ABLIM2: variants seen among roughly 807,000 people sequenced by gnomAD.
ABLIM2 encodes the protein actin binding LIM protein family member 2, also known as actin-binding LIM protein 2.
Under a neutral mutation model 97.7 loss-of-function variants are expected in ABLIM2, and 53 were observed. That is an observed-to-expected ratio of 0.54 (90% confidence interval 0.44 to 0.68). The LOEUF (loss-of-function observed/expected upper bound fraction) is 0.68, where lower values mean the gene tolerates loss of function less well. Ranked by LOEUF, ABLIM2 falls within the 30% of genes least tolerant of loss-of-function variation. The pLI is 0.00. For synonymous variants in ABLIM2, 361 were observed against 345.8 expected, an observed-to-expected ratio of 1.04 and a Z score of -0.49; for missense variants, 835 against 867.2, an observed-to-expected ratio of 0.96 and a Z score of 0.47.
rs184591681 is a variant in ABLIM2, at chr4:8,019,209, C to T, written c.1423+409G>A. Among the ~76,000 whole-genome samples, 14 of 152,322 alleles carry T rather than the reference C, an allele frequency of 9.2e-5. No homozygotes were observed. The highest frequency in any genetic ancestry group is 7.8e-4 in the Admixed American group (12 of 15,308). ...AAAGTCTCCCTGAGGAATAAACGAC[C>T]GATTCAAGTTTGTTCTATATTCCAA... On this transcript the variant is annotated intron_variant, in intron 14 of 20. Coordinates refer to ENST00000447017, the MANE Select transcript of ABLIM2 (RefSeq NM_001130083.2). The surrounding 1 kb of genome is among the most constrained non-coding windows in gnomAD (Gnocchi z 4.3).
chr4:8,154,178 G>A (rs1412872714), intron 1 of ABLIM2, among the ~76,000 whole-genome samples: 6 of 151,364 alleles, frequency 4.0e-5, no homozygotes, highest in African/African-American at 4.9e-5. Context: ...TAGCCAGGAT[G>A]GTCTCCATCT....
Position 7,984,838 on chromosome 4 carries a change from C to G in ABLIM2, c.1735+1G>C. ...ACCCACAGGGTCCCCGCTCTGTGTA[C>G]CTCGCATGCCCCAGCTGGCATCCGG... On this transcript the variant is annotated splice_donor_variant, in intron 18 of 20. Coordinates refer to ENST00000447017, the MANE Select transcript of ABLIM2 (RefSeq NM_001130083.2). LOFTEE classifies it high-confidence loss of function. The G allele has an allele frequency of 3.8e-6, 6 of 1,599,008 alleles. No individual in the cohort carries two copies. Among genetic ancestry groups the G allele is most frequent in the Non-Finnish European group, 5.1e-6 (6 of 1,173,224 alleles).
chr4:8,003,719 C>G lies in ABLIM2; in HGVS notation c.1618+4340G>C, dbSNP rs892353188. 3.3e-5 allele frequency among the ~76,000 whole-genome samples: 5 copies of G among 152,126 alleles called. No individual in the cohort carries two copies. Among genetic ancestry groups the G allele is most frequent in the Non-Finnish European group, 5.9e-5 (4 of 68,022 alleles). On this transcript the variant is annotated intron_variant, in intron 16 of 20. Coordinates refer to ENST00000447017, the MANE Select transcript of ABLIM2 (RefSeq NM_001130083.2). The surrounding 1 kb of genome is among the most constrained non-coding windows in gnomAD (Gnocchi z 4.2). ...TAGCTGAGATTACAGGTATCCTCCA[C>G]CATGCCTGGCTGATTTTTTGTGTTT...
intron 1 of ABLIM2, among the ~76,000 whole-genome samples, chr4:8,115,314 CTCA>C (rs1842335285): frequency 6.6e-6 from 1 of 152,162 alleles, no homozygotes; most frequent in Non-Finnish European, 1.5e-5. Flanking sequence ...AGCGAACCAG[CTCA>C]TGAGGGGAAT....
At position 8,051,562 on chromosome 4, in the gene ABLIM2, C is replaced by CAAAA. The variant is rs36056609; in HGVS notation, c.822+2622_822+2625dup. Among the ~76,000 whole-genome samples the CAAAA allele has an allele frequency of 2.3e-4, 25 of 107,896 alleles. No individual in the cohort carries two copies. In the Middle Eastern group the frequency reaches 0.015, roughly 63 times the overall value. The allele number at this position is 107,896 out of a possible 152,430, so 70.8% of individuals were successfully genotyped here. On this transcript the variant is annotated intron_variant, in intron 8 of 20. Coordinates refer to ENST00000447017, the MANE Select transcript of ABLIM2 (RefSeq NM_001130083.2). ...CTGAAGACAGAGCGAGATTCCATCT[C>CAAAA]AAAAAAAAAAAAAAAAAGAAAAGAA...
At chr4:8,109,742 G>A (rs1839383845) in intron 1 of ABLIM2, among the ~76,000 whole-genome samples, 2 of 152,206 alleles carry the variant, frequency 1.3e-5, no homozygotes, top group Admixed American at 6.5e-5. Flanking sequence ...GGCCTGGGAA[G>A]CAGGCATGGG....
At chr4:7,989,605 C>A (rs1479527510) in intron 17 of ABLIM2, among the ~76,000 whole-genome samples, 1 of 152,166 alleles carries the variant, frequency 6.6e-6, no homozygotes, top group Admixed American at 6.5e-5. Flanking sequence ...ACTATTGTCA[C>A]TCTTGCTTGC....
intron 20 of ABLIM2, among the ~76,000 whole-genome samples, chr4:7,979,786 T>TATAG (rs1326733020): frequency 1.3e-5 from 2 of 152,356 alleles, no homozygotes; most frequent in East Asian, 3.9e-4. Context: ...CACGGGCCTA[T>TATAG]GGCTGAGCCT....
At chr4:8,024,274 C>T (rs1324850876) in intron 12 of ABLIM2, among the ~76,000 whole-genome samples, 1 of 152,186 alleles carries the variant, frequency 6.6e-6, no homozygotes, top group Non-Finnish European at 1.5e-5. Flanking sequence ...CTTCCTGCCC[C>T]CGCTGTCGGC....
intron 20 of ABLIM2, among the ~76,000 whole-genome samples, chr4:7,971,335 C>G (rs1316792273): frequency 6.6e-6 from 1 of 152,176 alleles, no homozygotes; most frequent in African/African-American, 2.4e-5. Flanking sequence ...AGGAGTGCAC[C>G]TCACCCCCAG....
rs1163527500 is a variant in ABLIM2, at chr4:8,087,099, C to T, written c.454+1070G>A. On this transcript the variant is annotated intron_variant, in intron 4 of 20. Coordinates refer to ENST00000447017, the MANE Select transcript of ABLIM2 (RefSeq NM_001130083.2). The surrounding 1 kb of genome is among the most constrained non-coding windows in gnomAD (Gnocchi z 4.6). ...GGTGGGGGAGAAAGGAGGCATTTGA[C>T]ACAGGAGAGGAAATTAATTGCGGGC... is the stretch of plus-strand genomic sequence containing the variant. Among the ~76,000 whole-genome samples, 1 of 152,216 alleles carries T rather than the reference C, an allele frequency of 6.6e-6. No homozygotes were observed. The highest frequency in any genetic ancestry group is 2.4e-5 in the African/African-American group (1 of 41,450).
chr4:8,101,322 T>C (rs1045128724), intron 2 of ABLIM2, among the ~76,000 whole-genome samples: 1 of 152,218 alleles, frequency 6.6e-6, no homozygotes, highest in Non-Finnish European at 1.5e-5. Flanking sequence ...AACTCTGCCA[T>C]GTGATCTTGA....
At chr4:8,078,200 C>G (rs1056894401) in intron 5 of ABLIM2, among the ~76,000 whole-genome samples, 1 of 152,206 alleles carries the variant, frequency 6.6e-6, no homozygotes, top group African/African-American at 2.4e-5. Flanking sequence ...TTTACTGTCC[C>G]CCCTGCATCC....
chr4:8,029,586 T>TAAAAAAA (rs758188738), intron 11 of ABLIM2, 70 bp downstream of exon 11: 6 of 1,052,608 alleles, frequency 5.7e-6, no homozygotes, highest in South Asian at 3.6e-5. Context: ...AAAAAAAAAC[T>TAAAAAAA]AAAAAAAAAA....
chr4:8,080,628 T>C (rs1423756408), intron 5 of ABLIM2, 48 bp downstream of exon 5: 3 of 1,528,040 alleles, frequency 2.0e-6, no homozygotes, highest in East Asian at 4.8e-5. Flanking sequence ...CCCCACAGAG[T>C]AGGGAAGCCT....
intron 13 of ABLIM2, among the ~76,000 whole-genome samples, 166 bp downstream of exon 13, chr4:8,020,036 C>G (rs1268497562): frequency 2.2e-5 from 3 of 137,036 alleles, no homozygotes; most frequent in Non-Finnish European, 1.6e-5. Context: ...TTGTGAAAAC[C>G]CGTCTGATGG....
chr4:8,105,896 C>T (rs1837158178), intron 2 of ABLIM2, among the ~76,000 whole-genome samples: 1 of 152,052 alleles, frequency 6.6e-6, no homozygotes, highest in Non-Finnish European at 1.5e-5. Flanking sequence ...TCGGCACAGG[C>T]CATCTCCGTT....
At chr4:8,050,618 G>C (rs1266420293) in intron 8 of ABLIM2, among the ~76,000 whole-genome samples, 1 of 152,234 alleles carries the variant, frequency 6.6e-6, no homozygotes, top group Non-Finnish European at 1.5e-5. Flanking sequence ...TGATGCTGCC[G>C]GGAGCCGGCC....
At chr4:8,055,119 T>C (rs7661897) in intron 7 of ABLIM2, among the ~76,000 whole-genome samples, 39,267 of 151,810 alleles carry the variant, frequency 0.26, 5,345 homozygotes, top group African/African-American at 0.35. Context: ...GTGAATTTAA[T>C]AAAATCAAGC....
Sources: gnomAD v4.1 joint callset for allele counts (sites outside exome capture counted in the v4.1 genomes callset) on GRCh38, gnomAD v4.1.1 for gene constraint, Gnocchi (gnomAD v3.1) non-coding constraint, MANE v1.5 for transcripts, NCBI Gene and HGNC (gene_info 2026-07-23, HGNC 2026-07-21) for gene names.